The following APC variants were observed in gnomAD, a reference collection of about 807,000 sequenced individuals.
APC encodes the protein adenomatous polyposis coli protein.
In APC, 72 loss-of-function variants were observed where a neutral mutation model predicts 247.0. The observed-to-expected ratio is 0.29, with a 90% CI of 0.24 to 0.35. The LOEUF (loss-of-function observed/expected upper bound fraction) is 0.35, where lower values mean the gene tolerates loss of function less well. Among genes scored for constraint, APC ranks in the 10% least tolerant of loss-of-function variants. The pLI is 1.00. For missense variants in APC, 3,400 were observed against 3,360.7 expected (o/e 1.01, Z -0.29); for synonymous variants, 1,254 against 1,162.5 (o/e 1.08, Z -1.60).
intron 1 of APC, among the ~76,000 whole-genome samples, chr5:112,732,373 A>G (rs1228088026): frequency 6.6e-6 from 1 of 152,214 alleles, no homozygotes; most frequent in Non-Finnish European, 1.5e-5. Context: ...TCCTCGGAGT[A>G]CTAAAGGGAT....
chr5:112,751,139 A>T (rs1754313494), intron 1 of APC, among the ~76,000 whole-genome samples: 1 of 152,106 alleles, frequency 6.6e-6, no homozygotes, highest in South Asian at 2.1e-4. Context: ...AGTTGGAAAA[A>T]TAGTACAGAG....
intron 2 of APC, 136 bp from the exon 3 acceptor site, chr5:112,766,190 A>T: frequency 1.6e-6 from 1 of 609,530 alleles, no homozygotes; most frequent in South Asian, 2.1e-5. Context: ...AATGAATAAT[A>T]GGTAATATAT....
chr5:112,843,785 C>T lies in APC; in HGVS notation c.8191C>T (p.Pro2731Ser), dbSNP rs754566648. ...RLNSFIQVDA[P>S]DQKGTEIKPG... ...GAACTCCTTTATTCAGGTGGATGCC[C>T]CTGACCAAAAAGGAACTGAGATAAA... The change falls in exon 16 of 16, where the codon CCT (proline) becomes TCT (serine). Residue 2731 changes from proline (P) to serine (S), a missense_variant. By Grantham distance (74) the Pro-to-Ser change is moderately conservative (BLOSUM62 -1). Transcript: ENST00000257430. The surrounding 1 kb of genome is among the most constrained non-coding windows in gnomAD (Gnocchi z 4.8). 6.2e-7 allele frequency: 1 copy of T among 1,613,994 alleles called. No individual in the cohort carries two copies. Among genetic ancestry groups the T allele is most frequent in the East Asian group, 2.2e-5 (1 of 44,880 alleles).
chr5:112,798,275 A>G (rs1231538413), intron 7 of APC, among the ~76,000 whole-genome samples: 7 of 152,258 alleles, frequency 4.6e-5, no homozygotes, highest in African/African-American at 7.2e-5. Flanking sequence ...TGCAGAATTT[A>G]TAACATGGAT....
At chr5:112,783,765 C>CAAAAAAAAAAAAAA in intron 6 of APC, 1 of 195,630 alleles carries the variant, frequency 5.1e-6, no homozygotes, top group Non-Finnish European at 9.3e-6. Context: ...CCACTGCACT[C>CAAAAAAAAAAAAAA]AAAAAAAAAA....
chr5:112,739,626 A>G (rs1752754379), intron 1 of APC, among the ~76,000 whole-genome samples: 1 of 152,200 alleles, frequency 6.6e-6, no homozygotes. Flanking sequence ...CAGGAGGCTG[A>G]GGGAAGCTGA....
intron 1 of APC, among the ~76,000 whole-genome samples, chr5:112,742,584 C>T (rs1753170894): frequency 2.6e-5 from 4 of 152,190 alleles, no homozygotes; most frequent in African/African-American, 9.6e-5. Flanking sequence ...CTCAGTTTTT[C>T]ATTGGCTATT....
In APC at chr5:112,836,595, T is replaced by C. The variant is rs114582153; in HGVS notation, c.1959-958T>C. On this transcript the variant is annotated intron_variant, in intron 15 of 15. Coordinates refer to ENST00000257430, the MANE Select transcript of APC (RefSeq NM_000038.6). ...GCTCTTTCATGTCCAGAGTTCATTA[T>C]GCTGATTCTCACTCCTTGTTTTTAT... Among the ~76,000 whole-genome samples the C allele has an allele frequency of 5.0e-3, 755 of 152,372 alleles. 8 individuals are homozygous for C. The highest frequency in any genetic ancestry group is 0.024 in the South Asian group (114 of 4,826).
chr5:112,790,845 T>C (rs1381940144), intron 6 of APC, among the ~76,000 whole-genome samples: 1 of 152,224 alleles, frequency 6.6e-6, no homozygotes, highest in Non-Finnish European at 1.5e-5. Flanking sequence ...TTCCGAAATA[T>C]TTTATTGATG....
At chr5:112,799,159 G>C (rs1483610445) in intron 7 of APC, among the ~76,000 whole-genome samples, 2 of 148,954 alleles carry the variant, frequency 1.3e-5, no homozygotes, top group Admixed American at 6.7e-5. Flanking sequence ...ACTCCAGCCT[G>C]GGTGACAGGG....
intron 9 of APC, among the ~76,000 whole-genome samples, chr5:112,815,896 G>T (rs747931852): frequency 6.6e-6 from 1 of 152,126 alleles, no homozygotes; most frequent in African/African-American, 2.4e-5. Context: ...AGATTACACC[G>T]CTTTCTAGTG....
At chr5:112,765,290 A>G (rs2149780106) in intron 2 of APC, among the ~76,000 whole-genome samples, 1 of 151,878 alleles carries the variant, frequency 6.6e-6, no homozygotes, top group East Asian at 1.9e-4. Context: ...TGTTTTTTTA[A>G]TTTTGTAGGG....
At chr5:112,748,747 A>T (rs1324476714) in intron 1 of APC, among the ~76,000 whole-genome samples, 1 of 152,104 alleles carries the variant, frequency 6.6e-6, no homozygotes, top group Non-Finnish European at 1.5e-5. Flanking sequence ...TGAACCTGGG[A>T]GGTTACAGTG....
At chr5:112,753,839 A>G (rs1396156019) in intron 1 of APC, among the ~76,000 whole-genome samples, 1 of 152,186 alleles carries the variant, frequency 6.6e-6, no homozygotes, top group Non-Finnish European at 1.5e-5. Flanking sequence ...ATGTTTAAGT[A>G]TTGCTTAAGT....
In APC at chr5:112,839,856, GTGATCT is replaced by G. The variant is rs1554085690; in HGVS notation, c.4264_4269del (p.Asp1422_Leu1423del). On this transcript the variant is annotated inframe_deletion, in exon 16 of 16. Coordinates refer to ENST00000257430, the MANE Select transcript of APC (RefSeq NM_000038.6). This position sits in a 1 kb window ranked among gnomAD's most constrained non-coding sequence, Gnocchi z 5.0. ...ATGGTAAGTGGCATTATAAGCCCCA[GTGATCT>G]TCCAGATAGCCCTGGACAAACCATG... 3 of 1,614,064 alleles carry G rather than the reference GTGATCT, an allele frequency of 1.9e-6. No homozygotes were observed. The highest frequency in any genetic ancestry group is 2.5e-6 in the Non-Finnish European group (3 of 1,179,998).
chr5:112,798,950 C>T (rs1344276986), intron 7 of APC, among the ~76,000 whole-genome samples: 3 of 152,098 alleles, frequency 2.0e-5, no homozygotes, highest in Admixed American at 6.5e-5. Context: ...TGGCTCATGC[C>T]TGTAATCCCA....
chr5:112,724,805 A>T (rs761584445), intron 1 of APC, among the ~76,000 whole-genome samples: 17 of 151,998 alleles, frequency 1.1e-4, no homozygotes, highest in Non-Finnish European at 2.2e-4. Flanking sequence ...GTGTAGCTAG[A>T]GTAGGTGAGT....
intron 1 of APC, among the ~76,000 whole-genome samples, chr5:112,720,342 C>T (rs1001360821): frequency 3.3e-5 from 5 of 152,094 alleles, no homozygotes; most frequent in East Asian, 3.8e-4. Context: ...GTCAAAGATT[C>T]CTATTATAGT....
At chr5:112,762,200 A>G (rs1168082777) in intron 2 of APC, among the ~76,000 whole-genome samples, 2 of 152,226 alleles carry the variant, frequency 1.3e-5, no homozygotes, top group Admixed American at 6.5e-5. Context: ...TCCTACTCAA[A>G]TGACTGATGT....
Sources: gnomAD v4.1 joint callset for allele counts (sites outside exome capture counted in the v4.1 genomes callset) on GRCh38, gnomAD v4.1.1 for gene constraint, Gnocchi (gnomAD v3.1) non-coding constraint, MANE v1.5 for transcripts, NCBI Gene and HGNC (gene_info 2026-07-23, HGNC 2026-07-21) for gene names.